Variants in CDH2 observed in about 807,000 individuals in gnomAD.
CDH2 encodes cadherin-2.
A neutral mutation model predicts 92.0 loss-of-function variants in CDH2; 17 were observed. That is an observed-to-expected ratio of 0.18 (90% CI 0.13 to 0.28). The LOEUF is 0.28. Ranked by LOEUF, CDH2 falls within the 10% of genes least tolerant of loss-of-function variation. The pLI is 1.00. For synonymous variants in CDH2, 419 were observed against 415.9 expected, an observed-to-expected ratio of 1.01 and a Z score of -0.09; for missense variants, 862 against 1,133.1, an observed-to-expected ratio of 0.76 and a Z score of 3.44.
At chr18:27,988,330 G>A (rs1007070635) in intron 11 of CDH2, among the ~76,000 whole-genome samples, 194 bp downstream of exon 11, 4 of 152,140 alleles carry the variant, frequency 2.6e-5, no homozygotes, top group Admixed American at 1.3e-4. Context: ...GATGGACATC[G>A]AGAACAGTCA....
chr18:28,040,144 G>T (rs1169281533), intron 2 of CDH2, among the ~76,000 whole-genome samples: 3 of 152,148 alleles, frequency 2.0e-5, no homozygotes, highest in African/African-American at 7.2e-5. Flanking sequence ...TTTGTGCACA[G>T]GGCCTCAGAG....
intron 2 of CDH2, among the ~76,000 whole-genome samples, chr18:28,024,032 C>T (rs1449985469): frequency 6.6e-6 from 1 of 151,926 alleles, no homozygotes; most frequent in African/African-American, 2.4e-5. Flanking sequence ...AAAACTTGAT[C>T]ATATAGTGCT....
chr18:27,957,577 G>T (rs998627921), intron 15 of CDH2, among the ~76,000 whole-genome samples: 2 of 151,958 alleles, frequency 1.3e-5, no homozygotes, highest in African/African-American at 4.8e-5. Context: ...ATCTTGTTTG[G>T]ATGACACTAG....
chr18:28,012,771 T>A (rs2013136582), intron 3 of CDH2, among the ~76,000 whole-genome samples: 1 of 152,180 alleles, frequency 6.6e-6, no homozygotes, highest in Non-Finnish European at 1.5e-5. Context: ...AAATTTCACA[T>A]AATAAAACCA....
At chr18:28,117,871 C>T (rs1674691623) in intron 2 of CDH2, among the ~76,000 whole-genome samples, 1 of 152,050 alleles carries the variant, frequency 6.6e-6, no homozygotes, top group Admixed American at 6.6e-5. Flanking sequence ...GACTCCTAGA[C>T]TATTACTCTT....
downstream of CDH2, among the ~76,000 whole-genome samples, chr18:27,948,684 C>A (rs1909336601): frequency 6.6e-6 from 1 of 151,766 alleles, no homozygotes; most frequent in Non-Finnish European, 1.5e-5. Context: ...TCTCCAATCC[C>A]CTCATTAGTA....
chr18:28,010,328 T>G (rs577141291), intron 4 of CDH2, among the ~76,000 whole-genome samples: 1 of 152,360 alleles, frequency 6.6e-6, no homozygotes, highest in Non-Finnish European at 1.5e-5. Flanking sequence ...ACAGTTATGG[T>G]TGACCCTGAA....
chr18:27,934,303 C>T (rs1349621783), intron 6 of CDH2, among the ~76,000 whole-genome samples: 1 of 152,176 alleles, frequency 6.6e-6, no homozygotes, highest in Non-Finnish European at 1.5e-5. Flanking sequence ...TGTCAGTTAA[C>T]TCCATATTGC....
At chr18:28,141,811 C>T (rs1168613317) in intron 2 of CDH2, among the ~76,000 whole-genome samples, 1 of 151,998 alleles carries the variant, frequency 6.6e-6, no homozygotes, top group Non-Finnish European at 1.5e-5. Flanking sequence ...CTCATCTGAC[C>T]TCAGACACAC....
At position 28,011,247 on chromosome 18, in the gene CDH2, A is replaced by G. The variant is rs372129288; in HGVS notation, c.546+599T>C. Among the ~76,000 whole-genome samples, 15 of 152,152 alleles carry G rather than the reference A, an allele frequency of 9.9e-5. No individual in the cohort carries two copies. In the East Asian group the frequency reaches 2.5e-3, roughly 25 times the overall value. ...GGGTTAAGTTTATTAAAATGCAAAA[A>G]TATCTGCATTTTTTTTCTGTAGCTG... On this transcript the variant is annotated intron_variant, in intron 4 of 15. Coordinates refer to ENST00000269141, the MANE Select transcript of CDH2 (RefSeq NM_001792.5).
At chr18:28,119,351 G>GA (rs2015548490) in intron 2 of CDH2, among the ~76,000 whole-genome samples, 3 of 151,998 alleles carry the variant, frequency 2.0e-5, no homozygotes, top group Admixed American at 2.0e-4. Flanking sequence ...GAGCCAAAAC[G>GA]AATGTGTGAA....
At chr18:28,100,671 G>C (rs1235311814) in intron 2 of CDH2, among the ~76,000 whole-genome samples, 1 of 151,582 alleles carries the variant, frequency 6.6e-6, no homozygotes, top group Non-Finnish European at 1.5e-5. Flanking sequence ...GTGGTCTTCA[G>C]TCTAGCTTCG....
intron 6 of CDH2, among the ~76,000 whole-genome samples, chr18:28,004,768 C>T (rs922503954): frequency 6.6e-6 from 1 of 152,236 alleles, no homozygotes; most frequent in Middle Eastern, 3.4e-3. Context: ...GCTACTCTGA[C>T]GATGTGACTT....
chr18:28,056,552 T>C (rs972006812), intron 2 of CDH2, among the ~76,000 whole-genome samples: 13 of 152,076 alleles, frequency 8.5e-5, no homozygotes, highest in Admixed American at 3.3e-4. Context: ...TATGTAACTT[T>C]CTTTATTTGT....
At chr18:28,013,383 GTTTTA>G (rs1411230889) in intron 3 of CDH2, among the ~76,000 whole-genome samples, 1 of 152,006 alleles carries the variant, frequency 6.6e-6, no homozygotes, top group Non-Finnish European at 1.5e-5. Context: ...TTATTTTGTG[GTTTTA>G]TTTAACAGCT....
intron 2 of CDH2, among the ~76,000 whole-genome samples, chr18:28,059,902 GA>G (rs749654186): frequency 6.6e-6 from 1 of 152,128 alleles, no homozygotes; most frequent in Non-Finnish European, 1.5e-5. Flanking sequence ...TTTTGTGGAA[GA>G]AACTGGATCA....
intron 2 of CDH2, among the ~76,000 whole-genome samples, chr18:28,028,456 A>G (rs1004545770): frequency 6.6e-6 from 1 of 152,164 alleles, no homozygotes; most frequent in African/African-American, 2.4e-5. Context: ...ACCCCAAATC[A>G]TTTGCTGACA....
intron 2 of CDH2, among the ~76,000 whole-genome samples, chr18:28,141,711 T>A (rs2015956408): frequency 6.6e-6 from 1 of 151,928 alleles, no homozygotes; most frequent in South Asian, 2.1e-4. Flanking sequence ...GAAAGTCAGA[T>A]CATGTTTTAC....
In CDH2 at chr18:28,078,083, TCTGA is replaced by T. The variant is rs764535085; in HGVS notation, c.173-64178_173-64175del. ...AAGATATCCCTCCCACAGAATATAT[TCTGA>T]CTATTTGTAAAATGTCCTTCATGCA... is the stretch of plus-strand genomic sequence containing the variant. On this transcript the variant is annotated intron_variant, in intron 2 of 15. Transcript: ENST00000269141. 5.4e-4 allele frequency among the ~76,000 whole-genome samples: 82 copies of T among 152,198 alleles called. 1 individual carries two copies. Among genetic ancestry groups the T allele is most frequent in the African/African-American group, 1.2e-4 (5 of 41,530 alleles).
Sources: allele counts gnomAD v4.1 joint callset (sites outside exome capture counted in the v4.1 genomes callset), GRCh38; gene constraint gnomAD v4.1.1; transcripts MANE v1.5; gene names NCBI Gene and HGNC (gene_info 2026-07-23, HGNC 2026-07-21).